The following ENTREP2 variants were observed in gnomAD, a reference collection of about 807,000 sequenced individuals.
The protein encoded by ENTREP2 is endosomal transmembrane epsin interactor 2, also known as protein ENTREP2.
chr15:29,194,565 C>T, the ENTREP2 span, among the ~76,000 whole-genome samples: 1 of 152,224 alleles, frequency 6.6e-6, no homozygotes, highest in Admixed American at 6.5e-5. Context: ...CCAGCCTTCC[C>T]TGGAACTTCT....
At chr15:29,572,177 C>T in the ENTREP2 span, among the ~76,000 whole-genome samples, 1 of 152,156 alleles carries the variant, frequency 6.6e-6, no homozygotes, top group East Asian at 1.9e-4. Context: ...ATTTATTTTC[C>T]AATTTAACGA....
At chr15:29,152,259 C>A in the ENTREP2 span, among the ~76,000 whole-genome samples, 1 of 152,098 alleles carries the variant, frequency 6.6e-6, no homozygotes. Flanking sequence ...ATCTTGGGTA[C>A]CCTTTACTCA....
chr15:29,611,482 A>G, the ENTREP2 span, among the ~76,000 whole-genome samples: 4 of 152,104 alleles, frequency 2.6e-5, no homozygotes, highest in East Asian at 1.9e-4. Flanking sequence ...GATAGAGTCC[A>G]CGCTCCTGGC....
At chr15:29,541,495 G>C in the ENTREP2 span, among the ~76,000 whole-genome samples, 2 of 152,178 alleles carry the variant, frequency 1.3e-5, no homozygotes, top group African/African-American at 4.8e-5. Flanking sequence ...CAGGAATGCG[G>C]GCTGGGAGAG....
chr15:29,530,315 T>A, the ENTREP2 span, among the ~76,000 whole-genome samples: 1 of 152,140 alleles, frequency 6.6e-6, no homozygotes, highest in South Asian at 2.1e-4. Flanking sequence ...GCTGTGTAGT[T>A]CCTGACCTAT....
the ENTREP2 span, among the ~76,000 whole-genome samples, chr15:29,141,102 A>G: frequency 6.6e-6 from 1 of 152,228 alleles, no homozygotes; most frequent in Non-Finnish European, 1.5e-5. Flanking sequence ...ATGGAGGATG[A>G]GAACTAAGGC....
At chr15:29,353,546 C>T in the ENTREP2 span, among the ~76,000 whole-genome samples, 1 of 152,164 alleles carries the variant, frequency 6.6e-6, no homozygotes, top group Admixed American at 6.5e-5. Context: ...ATGCAGCAGG[C>T]TAACACTGAC....
At chr15:29,595,562 G>T in the ENTREP2 span, among the ~76,000 whole-genome samples, 1 of 152,094 alleles carries the variant, frequency 6.6e-6, no homozygotes, top group Non-Finnish European at 1.5e-5. Context: ...GCTCCTCGTG[G>T]TGTGTCAGCT....
the ENTREP2 span, among the ~76,000 whole-genome samples, chr15:29,397,582 A>G: frequency 6.6e-6 from 1 of 152,112 alleles, no homozygotes; most frequent in Non-Finnish European, 1.5e-5. Context: ...GGCAAAAAGT[A>G]TAATAAACAA....
At chr15:29,572,875 GAA>G in the ENTREP2 span, among the ~76,000 whole-genome samples, 1 of 127,270 alleles carries the variant, frequency 7.9e-6, no homozygotes, top group East Asian at 2.8e-4. Context: ...AAGGAGATTT[GAA>G]AAGAGTTTTC....
chr15:29,385,996 G>C, the ENTREP2 span, among the ~76,000 whole-genome samples: 2 of 151,700 alleles, frequency 1.3e-5, no homozygotes, highest in African/African-American at 4.8e-5. Context: ...AGTCGGAGGA[G>C]AGTCCAGCCA....
At chr15:29,136,597 T>C in the ENTREP2 span, 18 of 1,306,968 alleles carry the variant, frequency 1.4e-5, no homozygotes, top group Non-Finnish European at 1.7e-5. Flanking sequence ...GGCCAGGGCT[T>C]CCCCTCTTCT....
At chr15:29,359,049 T>C in the ENTREP2 span, among the ~76,000 whole-genome samples, 65 of 152,304 alleles carry the variant, frequency 4.3e-4, no homozygotes, top group African/African-American at 1.3e-3. Context: ...GACCACTTTA[T>C]ATTATTAAAA....
At chr15:29,465,443 G>A in the ENTREP2 span, among the ~76,000 whole-genome samples, 8 of 152,152 alleles carry the variant, frequency 5.3e-5, no homozygotes, top group African/African-American at 7.2e-5. Context: ...TCAGGGAAAC[G>A]GAGTGCCCAC....
chr15:29,286,309 C>G, the ENTREP2 span, among the ~76,000 whole-genome samples: 4 of 152,208 alleles, frequency 2.6e-5, no homozygotes, highest in Admixed American at 2.6e-4. Flanking sequence ...AATAGACTCA[C>G]TGAATTTATC....
At chr15:29,544,636 C>T in the ENTREP2 span, among the ~76,000 whole-genome samples, 9 of 152,118 alleles carry the variant, frequency 5.9e-5, no homozygotes, top group Non-Finnish European at 1.2e-4. Flanking sequence ...TAAGGAAAGC[C>T]TTCGTAACCC....
chr15:29,387,650 C>A, the ENTREP2 span, among the ~76,000 whole-genome samples: 3 of 152,138 alleles, frequency 2.0e-5, no homozygotes, highest in Non-Finnish European at 2.9e-5. Context: ...AAAAAAGAGC[C>A]TGCATTGCCA....
the ENTREP2 span, among the ~76,000 whole-genome samples, chr15:29,228,543 G>C: frequency 2.6e-5 from 4 of 152,128 alleles, no homozygotes; most frequent in Non-Finnish European, 5.9e-5. Context: ...TTCACACAAT[G>C]TGAATGTACT....
the ENTREP2 span, among the ~76,000 whole-genome samples, chr15:29,404,030 G>A: frequency 1.6e-3 from 237 of 152,196 alleles, no homozygotes; most frequent in African/African-American, 5.4e-3. Flanking sequence ...ACCAGGCAGC[G>A]CCACCCACAG....
Sources: allele counts gnomAD v4.1 joint callset (sites outside exome capture counted in the v4.1 genomes callset), GRCh38; gene constraint gnomAD v4.1.1; transcripts MANE v1.5; gene names NCBI Gene and HGNC (gene_info 2026-07-23, HGNC 2026-07-21).